The following FUT9 variants were observed in gnomAD, a reference collection of about 807,000 sequenced individuals.
The protein encoded by FUT9 is fucosyltransferase 9.
FUT9 carries 15 observed loss-of-function variants against 29.7 expected under a neutral mutation model. That is an observed-to-expected ratio of 0.51 (90% CI 0.34 to 0.78). The LOEUF (loss-of-function observed/expected upper bound fraction) is 0.78. Among genes scored for constraint, FUT9 ranks in the 30% least tolerant of loss-of-function variants. The pLI is 0.01. For missense variants in FUT9, 319 were observed against 425.4 expected, an observed-to-expected ratio of 0.75 and a Z score of 2.20; for synonymous variants, 169 against 153.7, an observed-to-expected ratio of 1.10 and a Z score of -0.74.
chr6:96,137,352 A>G (rs572324302), intron 2 of FUT9, among the ~76,000 whole-genome samples: 1 of 152,220 alleles, frequency 6.6e-6, no homozygotes, highest in Admixed American at 6.5e-5. Flanking sequence ...ATAGTTATAT[A>G]AATAAATGAT....
At chr6:96,201,138 A>G (rs1773719818) in intron 2 of FUT9, among the ~76,000 whole-genome samples, 1 of 152,020 alleles carries the variant, frequency 6.6e-6, no homozygotes. Flanking sequence ...TAGGAAAACC[A>G]TTTAGACCTA....
At chr6:96,161,760 T>C in intron 2 of FUT9, among the ~76,000 whole-genome samples, 1 of 152,236 alleles carries the variant, frequency 6.6e-6, no homozygotes, top group East Asian at 1.9e-4. Context: ...CTATAACTTC[T>C]GCATTATTAA....
intron 1 of FUT9, among the ~76,000 whole-genome samples, chr6:96,092,938 T>A (rs75404437): frequency 0.069 from 10,543 of 151,850 alleles, 460 homozygotes; most frequent in South Asian, 0.12. Context: ...TTAAAAAATT[T>A]TAAAAAAATC....
intron 1 of FUT9, among the ~76,000 whole-genome samples, chr6:96,077,822 T>C (rs1771164353): frequency 6.6e-6 from 1 of 152,238 alleles, no homozygotes; most frequent in Admixed American, 6.5e-5. Context: ...ATGTAGTCAA[T>C]GCTTAATAGC....
intron 2 of FUT9, among the ~76,000 whole-genome samples, chr6:96,160,968 A>G (rs1772889385): frequency 6.6e-6 from 1 of 152,186 alleles, no homozygotes; most frequent in African/African-American, 2.4e-5. Context: ...GAAAACGTGA[A>G]TTGTAATTAC....
At chr6:96,055,709 CTTTTTTT>C (rs113298226) in intron 1 of FUT9, among the ~76,000 whole-genome samples, 2 of 45,594 alleles carry the variant, frequency 4.4e-5, no homozygotes, top group Non-Finnish European at 1.2e-4. Flanking sequence ...ATTTCTTTTT[CTTTTTTT>C]TTTTTTTTCC....
chr6:96,104,192 A>G (rs1413788010), intron 1 of FUT9, among the ~76,000 whole-genome samples: 1 of 152,214 alleles, frequency 6.6e-6, no homozygotes, highest in Non-Finnish European at 1.5e-5. Flanking sequence ...TTCCACCTTC[A>G]GTAAACTCAA....
intron 2 of FUT9, among the ~76,000 whole-genome samples, chr6:96,189,735 CT>C (rs71451457): frequency 6.6e-6 from 1 of 152,096 alleles, no homozygotes; most frequent in African/African-American, 2.4e-5. Context: ...CAACCCCTGC[CT>C]TTTTTTGTTT....
At chr6:96,172,830 A>G (rs1222107745) in intron 2 of FUT9, among the ~76,000 whole-genome samples, 2 of 152,182 alleles carry the variant, frequency 1.3e-5, no homozygotes, top group Non-Finnish European at 1.5e-5. Context: ...TAGGTTCTCA[A>G]TCTTGAAGGG....
intron 2 of FUT9, among the ~76,000 whole-genome samples, chr6:96,197,169 T>C (rs1392179788): frequency 6.6e-6 from 1 of 152,092 alleles, no homozygotes; most frequent in African/African-American, 2.4e-5. Flanking sequence ...GAAAAAAGAA[T>C]TTTAAAAAGA....
intron 1 of FUT9, among the ~76,000 whole-genome samples, chr6:96,080,085 C>A (rs1292402582): frequency 6.6e-6 from 1 of 151,850 alleles, no homozygotes; most frequent in Non-Finnish European, 1.5e-5. Context: ...TGTGACTTTG[C>A]ACTTTTTAAG....
chr6:96,164,298 G>A (rs1412742890), intron 2 of FUT9, among the ~76,000 whole-genome samples: 2 of 114,622 alleles, frequency 1.7e-5, no homozygotes, highest in African/African-American at 3.4e-5. Flanking sequence ...GCTCTCTTTC[G>A]CCCAGGCCGG....
chr6:96,130,282 T>G (rs1294376715), intron 2 of FUT9, among the ~76,000 whole-genome samples: 1 of 152,144 alleles, frequency 6.6e-6, no homozygotes, highest in Non-Finnish European at 1.5e-5. Flanking sequence ...ATAGTTGTTA[T>G]GTAATTTTAT....
intron 1 of FUT9, among the ~76,000 whole-genome samples, chr6:96,063,243 G>T (rs1243397878): frequency 6.6e-6 from 1 of 152,100 alleles, no homozygotes; most frequent in Non-Finnish European, 1.5e-5. Context: ...AACACCAGAG[G>T]CTGGGTAATT....
At chr6:96,094,888 T>G (rs1157074678) in intron 1 of FUT9, among the ~76,000 whole-genome samples, 2 of 152,072 alleles carry the variant, frequency 1.3e-5, no homozygotes, top group Non-Finnish European at 2.9e-5. Flanking sequence ...CAGGTGGTGT[T>G]TGGTTACATG....
intron 2 of FUT9, among the ~76,000 whole-genome samples, chr6:96,170,854 C>T (rs1489823610): frequency 6.6e-6 from 1 of 152,152 alleles, no homozygotes; most frequent in Non-Finnish European, 1.5e-5. Context: ...ATAAAACAAA[C>T]TGTCCCACTT....
At chr6:96,187,672 A>G (rs1773428592) in intron 2 of FUT9, among the ~76,000 whole-genome samples, 1 of 152,168 alleles carries the variant, frequency 6.6e-6, no homozygotes, top group African/African-American at 2.4e-5. Flanking sequence ...AATTTGGATT[A>G]TAAAAATATA....
chr6:96,044,771 A>G (rs557090427), intron 1 of FUT9, among the ~76,000 whole-genome samples: 143 of 152,302 alleles, frequency 9.4e-4, no homozygotes, highest in African/African-American at 3.3e-3. Flanking sequence ...ATATTCAATG[A>G]GTCATATGAA....
At chr6:96,057,309 C>T (rs1191003175) in intron 1 of FUT9, among the ~76,000 whole-genome samples, 1 of 152,036 alleles carries the variant, frequency 6.6e-6, no homozygotes, top group Non-Finnish European at 1.5e-5. Flanking sequence ...TAAAATATTG[C>T]AGTTTGAGTG....
Sources: gnomAD v4.1 joint callset for allele counts (sites outside exome capture counted in the v4.1 genomes callset) on GRCh38, gnomAD v4.1.1 for gene constraint, MANE v1.5 for transcripts, NCBI Gene and HGNC (gene_info 2026-07-23, HGNC 2026-07-21) for gene names.